Variants in NRG3 observed in about 807,000 individuals in gnomAD.
NRG3 encodes neuregulin 3, also known as pro-neuregulin-3, membrane-bound isoform.
NRG3 carries 31 observed loss-of-function variants against 66.9 expected under a neutral mutation model. That is an observed-to-expected ratio of 0.46 (90% confidence interval 0.35 to 0.63). The LOEUF (loss-of-function observed/expected upper bound fraction) is 0.63. NRG3 is among the 20% of genes least tolerant of loss of function. The pLI, the probability that NRG3 is intolerant of heterozygous loss-of-function variation, is 0.00. For synonymous variants in NRG3, 393 were observed against 359.4 expected (o/e 1.09, Z -1.06); for missense variants, 910 against 878.9 (o/e 1.04, Z -0.45).
At chr10:82,092,315 C>T (rs1564553535) in intron 1 of NRG3, among the ~76,000 whole-genome samples, 2 of 152,094 alleles carry the variant, frequency 1.3e-5, no homozygotes, top group South Asian at 2.1e-4. Context: ...TTGTCTAATG[C>T]GTGGCTTGTT....
chr10:82,352,516 A>G (rs552981383), intron 1 of NRG3, among the ~76,000 whole-genome samples: 1 of 152,324 alleles, frequency 6.6e-6, no homozygotes, highest in South Asian at 2.1e-4. Context: ...AAAAGGCCCC[A>G]GAGAAGAAAG....
intron 4 of NRG3, among the ~76,000 whole-genome samples, chr10:82,933,236 T>TTTTATTTA (rs150686836): frequency 2.4e-4 from 36 of 151,798 alleles, no homozygotes; most frequent in East Asian, 9.8e-4. Context: ...GGACTGTGGC[T>TTTTATTTA]TTTATTTATT....
chr10:82,580,784 T>C (rs558240959), intron 2 of NRG3, among the ~76,000 whole-genome samples: 3 of 152,086 alleles, frequency 2.0e-5, no homozygotes, highest in African/African-American at 7.2e-5. Context: ...CCATAGATTG[T>C]TTATTCTTGT....
chr10:82,365,401 GAATGATTGCC>G (rs1453326129), intron 2 of NRG3, among the ~76,000 whole-genome samples: 1 of 152,162 alleles, frequency 6.6e-6, no homozygotes, highest in Non-Finnish European at 1.5e-5. Flanking sequence ...GTGTTCATGG[GAATGATTGCC>G]ATAGCCCAGA....
intron 2 of NRG3, among the ~76,000 whole-genome samples, chr10:82,453,741 C>T (rs533224145): frequency 6.6e-6 from 1 of 150,908 alleles, no homozygotes; most frequent in Non-Finnish European, 1.5e-5. Context: ...GCATAGATCT[C>T]GGTGAGTTAT....
chr10:82,125,994 G>C (rs2068426655), intron 1 of NRG3, among the ~76,000 whole-genome samples: 1 of 152,022 alleles, frequency 6.6e-6, no homozygotes, highest in Non-Finnish European at 1.5e-5. Context: ...TCTTAATTGT[G>C]GTGACCATGA....
chr10:81,915,217 A>T (rs1401490108), intron 1 of NRG3, among the ~76,000 whole-genome samples: 1 of 152,192 alleles, frequency 6.6e-6, no homozygotes, highest in Admixed American at 6.5e-5. Flanking sequence ...TTAAGCATTA[A>T]TCAGACTTGA....
At chr10:82,890,642 G>A (rs1020064583) in intron 4 of NRG3, among the ~76,000 whole-genome samples, 3 of 152,062 alleles carry the variant, frequency 2.0e-5, no homozygotes, top group Admixed American at 6.6e-5. Context: ...ATTTAGCATC[G>A]TTGGACCATA....
chr10:82,755,417 C>T (rs192098054), intron 3 of NRG3, among the ~76,000 whole-genome samples: 5 of 152,242 alleles, frequency 3.3e-5, no homozygotes, highest in Admixed American at 2.0e-4. Flanking sequence ...CTTTTGAACA[C>T]TTGATCTCAT....
At chr10:82,677,463 A>G (rs1014497409) in intron 2 of NRG3, among the ~76,000 whole-genome samples, 9 of 152,188 alleles carry the variant, frequency 5.9e-5, no homozygotes, top group Admixed American at 1.3e-4. Flanking sequence ...ACACAACAAG[A>G]TCATTCATGC....
chr10:82,783,871 T>C (rs907643030), intron 3 of NRG3, among the ~76,000 whole-genome samples: 3 of 152,058 alleles, frequency 2.0e-5, no homozygotes, highest in South Asian at 2.1e-4. Context: ...AAAGTTCATA[T>C]GGAACCAAAA....
At chr10:81,990,950 A>G (rs2060716606) in intron 1 of NRG3, among the ~76,000 whole-genome samples, 1 of 152,192 alleles carries the variant, frequency 6.6e-6, no homozygotes, top group Non-Finnish European at 1.5e-5. Flanking sequence ...GGTTGAAATG[A>G]GTCAAATTGG....
intron 2 of NRG3, among the ~76,000 whole-genome samples, chr10:82,726,098 C>A (rs1276621294): frequency 1.3e-5 from 2 of 152,098 alleles, no homozygotes; most frequent in Non-Finnish European, 2.9e-5. Flanking sequence ...AAGGAGAGAG[C>A]CCTCATCAAA....
At chr10:82,613,209 A>T (rs1393545018) in intron 2 of NRG3, among the ~76,000 whole-genome samples, 1 of 152,194 alleles carries the variant, frequency 6.6e-6, no homozygotes, top group Non-Finnish European at 1.5e-5. Flanking sequence ...ATTCTAAAGG[A>T]TTAACATAGT....
rs763020075 is a variant in NRG3, at chr10:82,939,422, TTTTTC to T, written c.1055-12046_1055-12042del. On this transcript the variant is annotated intron_variant, in intron 4 of 8. Coordinates refer to ENST00000372141, the MANE Select transcript of NRG3 (RefSeq NM_001010848.4). Reference sequence around the variant, plus strand: ...CATTATTATAAAGTAATTATTTCAGTTTTTCCTTTGTTGTTGTTGTTGTTTGTTGT... The same window carrying T: ...CATTATTATAAAGTAATTATTTCAGTCTTTGTTGTTGTTGTTGTTTGTTGT... 2.9e-4 allele frequency among the ~76,000 whole-genome samples: 43 copies of T among 150,776 alleles called. 1 individual carries two copies. The highest frequency in any genetic ancestry group is 6.8e-3 in the Middle Eastern group (2 of 292).
intron 6 of NRG3, among the ~76,000 whole-genome samples, chr10:82,961,937 C>G (rs1248472525): frequency 6.6e-6 from 1 of 152,208 alleles, no homozygotes; most frequent in African/African-American, 2.4e-5. Flanking sequence ...TTTGTTTTAT[C>G]TTGAAGCTCA....
intron 3 of NRG3, among the ~76,000 whole-genome samples, chr10:82,792,837 C>T (rs774767237): frequency 6.6e-6 from 1 of 151,932 alleles, no homozygotes; most frequent in Non-Finnish European, 1.5e-5. Context: ...TGTGCCACAA[C>T]GCCCAGCTAA....
At chr10:82,500,302 T>C (rs990432423) in intron 2 of NRG3, among the ~76,000 whole-genome samples, 15 of 152,218 alleles carry the variant, frequency 9.9e-5, no homozygotes, top group African/African-American at 3.6e-4. Context: ...AAGCCAGAAA[T>C]TCAGTGAAAC....
intron 2 of NRG3, among the ~76,000 whole-genome samples, chr10:82,496,795 T>G (rs1843672612): frequency 6.6e-6 from 1 of 152,192 alleles, no homozygotes; most frequent in African/African-American, 2.4e-5. Context: ...CTAATCAGTT[T>G]CTTTATTTTA....
Sources: allele counts gnomAD v4.1 joint callset (sites outside exome capture counted in the v4.1 genomes callset), GRCh38; gene constraint gnomAD v4.1.1; transcripts MANE v1.5; gene names NCBI Gene and HGNC (gene_info 2026-07-23, HGNC 2026-07-21).